ANGPT2: variants seen among roughly 807,000 people sequenced by gnomAD.
The protein encoded by ANGPT2 is angiopoietin 2.
In ANGPT2, 28 loss-of-function variants were observed where a neutral mutation model predicts 62.9. The ratio of observed to expected loss-of-function variants is 0.44; its 90% confidence interval spans 0.33 to 0.61. The LOEUF (loss-of-function observed/expected upper bound fraction) is 0.61. ANGPT2 is among the 20% of genes least tolerant of loss of function. The probability of loss-of-function intolerance (pLI) is 0.03; values close to 1 mark genes in which losing one functional copy is unlikely to be tolerated. For synonymous variants in ANGPT2, 284 were observed against 207.8 expected, an observed-to-expected ratio of 1.37 and a Z score of -3.15; for missense variants, 727 against 594.9, an observed-to-expected ratio of 1.22 and a Z score of -2.31.
intron 8 of ANGPT2, among the ~76,000 whole-genome samples, chr8:6,503,855 G>C (rs1036397157): frequency 6.6e-6 from 1 of 152,214 alleles, no homozygotes; most frequent in African/African-American, 2.4e-5. Flanking sequence ...TGGGAGTGAA[G>C]CCCCATCTGC....
chr8:6,518,688 G>T (rs555009449), intron 5 of ANGPT2, among the ~76,000 whole-genome samples: 1 of 152,196 alleles, frequency 6.6e-6, no homozygotes, highest in African/African-American at 2.4e-5. Flanking sequence ...CAAGAGCCTC[G>T]AAAATTTCCA....
chr8:6,559,984 G>A (rs77123578), intron 1 of ANGPT2, among the ~76,000 whole-genome samples: 246 of 152,336 alleles, frequency 1.6e-3, no homozygotes, highest in Non-Finnish European at 2.7e-3. Flanking sequence ...TAAAGGGGCA[G>A]CGTGGGACCT....
chr8:6,537,571 A>T (rs145770763), intron 1 of ANGPT2, among the ~76,000 whole-genome samples: 16 of 151,314 alleles, frequency 1.1e-4, no homozygotes, highest in African/African-American at 3.6e-4. Context: ...TGTTTACATT[A>T]ATATATATAT....
In ANGPT2 at chr8:6,501,780, C is replaced by T. The variant is rs1812244909; in HGVS notation, c.*1321G>A. On this transcript the variant is annotated 3_prime_UTR_variant, in exon 9 of 9. Transcript: ENST00000629816. ...CCATGTTGTCCAGGCTGGTCTTGAA[C>T]TCCTGACCTCAGGTGATCTGCCCAC... 1 of 152,098 alleles carries T rather than the reference C, an allele frequency of 6.6e-6. No homozygotes were observed. Among genetic ancestry groups the T allele is most frequent in the Admixed American group, 6.6e-5 (1 of 15,258 alleles). The allele number at this position is 152,098 out of a possible 1,614,324, so 9.4% of individuals were successfully genotyped here.
chr8:6,547,910 ACT>A (rs1272419468), intron 1 of ANGPT2, among the ~76,000 whole-genome samples: 2 of 147,650 alleles, frequency 1.4e-5, no homozygotes, highest in East Asian at 2.0e-4. Context: ...TTTAACCAAA[ACT>A]CACTGTGGTT....
At chr8:6,527,752 T>C in intron 2 of ANGPT2, 76 bp from the exon 3 acceptor site, 1 of 1,292,472 alleles carries the variant, frequency 7.7e-7, no homozygotes, top group Non-Finnish European at 1.1e-6. Context: ...TTCATTAAAG[T>C]ACCCAAGCTA....
intron 3 of ANGPT2, among the ~76,000 whole-genome samples, chr8:6,525,565 G>C (rs1818182316): frequency 6.6e-6 from 1 of 152,126 alleles, no homozygotes; most frequent in East Asian, 1.9e-4. Flanking sequence ...TTGCACTTTT[G>C]GGGAATTATA....
At chr8:6,548,604 T>G (rs1463697789) in intron 1 of ANGPT2, among the ~76,000 whole-genome samples, 2 of 152,148 alleles carry the variant, frequency 1.3e-5, no homozygotes, top group African/African-American at 4.8e-5. Context: ...AAAGTACACC[T>G]GATGGATTTT....
chr8:6,534,393 G>A (rs1339459246), intron 1 of ANGPT2, among the ~76,000 whole-genome samples: 1 of 152,134 alleles, frequency 6.6e-6, no homozygotes, highest in Non-Finnish European at 1.5e-5. Flanking sequence ...CTTGAGCACC[G>A]TGGATTTTGG....
At chr8:6,556,561 G>A (rs181960296) in intron 1 of ANGPT2, among the ~76,000 whole-genome samples, 1 of 151,990 alleles carries the variant, frequency 6.6e-6, no homozygotes, top group African/African-American at 2.4e-5. Flanking sequence ...TACACTACAC[G>A]TTCTGACCAA....
intron 3 of ANGPT2, among the ~76,000 whole-genome samples, chr8:6,525,386 C>T (rs187149427): frequency 2.6e-5 from 4 of 152,190 alleles, no homozygotes; most frequent in East Asian, 1.9e-4. Flanking sequence ...TGTGCCACCA[C>T]ATCTGGCTAA....
rs916521553 is a variant in ANGPT2 at position 6,563,031 on chromosome 8, G to T, written c.-97C>A. ...GCCGTCTAAAACGCAGGGCTGCTAC[G>T]CTGCCATGGCTGGGTCCGTCAATGA... On this transcript the variant is annotated 5_prime_UTR_variant, in exon 1 of 9. Coordinates refer to ENST00000629816, the MANE Select transcript of ANGPT2 (RefSeq NM_001118887.2). 7.5e-7 allele frequency: 1 copy of T among 1,325,210 alleles called. No individual in the cohort carries two copies. The highest frequency in any genetic ancestry group is 1.0e-6 in the Non-Finnish European group (1 of 979,866). The allele number at this position is 1,325,210 out of a possible 1,614,324, so 82.1% of individuals were successfully genotyped here.
At chr8:6,541,047 T>A (rs901055628) in intron 1 of ANGPT2, among the ~76,000 whole-genome samples, 3 of 151,980 alleles carry the variant, frequency 2.0e-5, no homozygotes, top group African/African-American at 7.2e-5. Flanking sequence ...GAGGCTCTCA[T>A]GGGTGTCCCG....
chr8:6,550,073 C>T (rs1046721772), intron 1 of ANGPT2, among the ~76,000 whole-genome samples: 1 of 152,184 alleles, frequency 6.6e-6, no homozygotes, highest in Non-Finnish European at 1.5e-5. Context: ...GTTGCCCACC[C>T]TTTATTTCTA....
At chr8:6,535,728 A>G (rs1205151078) in intron 1 of ANGPT2, among the ~76,000 whole-genome samples, 1 of 152,160 alleles carries the variant, frequency 6.6e-6, no homozygotes, top group Non-Finnish European at 1.5e-5. Context: ...AAAAATGTGC[A>G]GTAGTAGATA....
At chr8:6,510,606 A>T (rs1267806174) in intron 7 of ANGPT2, among the ~76,000 whole-genome samples, 1 of 152,192 alleles carries the variant, frequency 6.6e-6, no homozygotes, top group Non-Finnish European at 1.5e-5. Flanking sequence ...TTTGGCACTG[A>T]AAGTCACTGA....
At chr8:6,540,841 T>A (rs936856660) in intron 1 of ANGPT2, among the ~76,000 whole-genome samples, 2 of 152,238 alleles carry the variant, frequency 1.3e-5, no homozygotes, top group Admixed American at 6.5e-5. Context: ...GCAGGGTGGT[T>A]CGCACACGTG....
At chr8:6,504,523 C>T (rs1245485425) in intron 8 of ANGPT2, among the ~76,000 whole-genome samples, 3 of 151,956 alleles carry the variant, frequency 2.0e-5, no homozygotes, top group Non-Finnish European at 4.4e-5. Flanking sequence ...TATCGCAGTG[C>T]TTATGTTCAA....
chr8:6,514,833 G>C (rs543030138), intron 5 of ANGPT2, 55 bp from the exon 6 acceptor site: 2 of 1,472,406 alleles, frequency 1.4e-6, no homozygotes, highest in South Asian at 2.3e-5. Flanking sequence ...CCCCCCTTAC[G>C]TAGCAGAAGC....
Sources: allele counts gnomAD v4.1 joint callset (sites outside exome capture counted in the v4.1 genomes callset), GRCh38; gene constraint gnomAD v4.1.1; transcripts MANE v1.5; gene names NCBI Gene and HGNC (gene_info 2026-07-23, HGNC 2026-07-21).